The following LARGE1 variants were observed in gnomAD, a reference collection of about 807,000 sequenced individuals.
LARGE1 encodes LARGE xylosyl- and glucuronyltransferase 1.
A neutral mutation model predicts 87.6 loss-of-function variants in LARGE1; 43 were observed. The observed-to-expected ratio is 0.49, with a 90% CI of 0.38 to 0.63. The LOEUF is 0.63. Among genes scored for constraint, LARGE1 ranks in the 30% least tolerant of loss-of-function variants. The pLI, the probability that LARGE1 is intolerant of heterozygous loss-of-function variation, is 0.00. For missense variants in LARGE1, 802 were observed against 1,000.2 expected (o/e 0.80, Z 2.67); for synonymous variants, 434 against 394.6 (o/e 1.10, Z -1.18).
chr22:33,618,149 T>C (rs561466900), intron 4 of LARGE1, among the ~76,000 whole-genome samples: 85 of 152,342 alleles, frequency 5.6e-4, no homozygotes, highest in South Asian at 3.7e-3. Context: ...TTTCAGAAAA[T>C]CACCGCAGCC....
intron 6 of LARGE1, among the ~76,000 whole-genome samples, chr22:33,483,487 T>G (rs1454020969): frequency 6.6e-6 from 1 of 151,920 alleles, no homozygotes; most frequent in Non-Finnish European, 1.5e-5. Flanking sequence ...GGTGAACAGA[T>G]AGGGACAGAA....
chr22:33,639,228 C>G (rs1681678138), intron 3 of LARGE1, among the ~76,000 whole-genome samples: 1 of 152,130 alleles, frequency 6.6e-6, no homozygotes, highest in African/African-American at 2.4e-5. Context: ...ACATGAGGAC[C>G]TGAGTCTAAA....
intron 3 of LARGE1, among the ~76,000 whole-genome samples, chr22:33,635,073 G>C (rs1015149357): frequency 6.6e-6 from 1 of 151,040 alleles, no homozygotes; most frequent in East Asian, 1.9e-4. Flanking sequence ...AGCCGAGATC[G>C]CACCACTGCA....
intron 3 of LARGE1, among the ~76,000 whole-genome samples, chr22:33,642,056 A>T (rs893156797): frequency 1.3e-5 from 2 of 152,118 alleles, no homozygotes; most frequent in African/African-American, 4.8e-5. Context: ...TCTTCCAGAA[A>T]GGCAACCCCA....
intron 11 of LARGE1, among the ~76,000 whole-genome samples, chr22:33,233,517 G>A (rs371487877): frequency 8.7e-4 from 133 of 152,062 alleles, no homozygotes; most frequent in African/African-American, 2.8e-3. Context: ...GTCTAGGATC[G>A]AAAAGTCTAG....
chr22:33,798,507 A>C (rs2086058218), intron 1 of LARGE1, among the ~76,000 whole-genome samples: 1 of 152,194 alleles, frequency 6.6e-6, no homozygotes, highest in Admixed American at 6.5e-5. Flanking sequence ...GAGCTGACAG[A>C]AGGAGCAACC....
At chr22:33,496,669 C>A (rs1384161770) in intron 6 of LARGE1, among the ~76,000 whole-genome samples, 1 of 152,218 alleles carries the variant, frequency 6.6e-6, no homozygotes, top group African/African-American at 2.4e-5. Context: ...CTCTTCTTTT[C>A]CGGCCAATGA....
intron 1 of LARGE1, among the ~76,000 whole-genome samples, chr22:33,915,537 C>T (rs2065761882): frequency 6.6e-6 from 1 of 152,026 alleles, no homozygotes; most frequent in African/African-American, 2.4e-5. Flanking sequence ...CACAAGAGGG[C>T]AGACTTAGGG....
intron 5 of LARGE1, among the ~76,000 whole-genome samples, chr22:33,573,614 C>T (rs865932872): frequency 6.6e-6 from 1 of 152,102 alleles, no homozygotes; most frequent in Non-Finnish European, 1.5e-5. Flanking sequence ...ACATGGCTGA[C>T]GTTCTCAAGG....
the LARGE1 span, among the ~76,000 whole-genome samples, chr22:33,082,035 A>G: frequency 6.6e-6 from 1 of 152,140 alleles, no homozygotes; most frequent in Admixed American, 6.5e-5. Context: ...TATTATTATT[A>G]TTAGGTGTAG....
chr22:33,852,401 T>C (rs999066960), intron 1 of LARGE1, among the ~76,000 whole-genome samples: 1 of 152,122 alleles, frequency 6.6e-6, no homozygotes, highest in Non-Finnish European at 1.5e-5. Flanking sequence ...CTCCTGAGCA[T>C]CCCTTCATGG....
chr22:33,092,368 G>C, the LARGE1 span, among the ~76,000 whole-genome samples: 2 of 152,158 alleles, frequency 1.3e-5, no homozygotes, highest in Non-Finnish European at 2.9e-5. Context: ...GTCCTATGGG[G>C]AGGAGCGGTT....
At chr22:33,317,507 T>C (rs1936289330) in intron 10 of LARGE1, among the ~76,000 whole-genome samples, 2 of 152,234 alleles carry the variant, frequency 1.3e-5, no homozygotes, top group African/African-American at 4.8e-5. Context: ...TTGAACTCTC[T>C]GAAAGTCTTA....
chr22:33,076,284 C>A, the LARGE1 span, among the ~76,000 whole-genome samples: 1 of 152,156 alleles, frequency 6.6e-6, no homozygotes, highest in Non-Finnish European at 1.5e-5. Context: ...AGTAAACACA[C>A]CCATGTCACT....
chr22:33,219,069 A>C (rs1925340100), intron 11 of LARGE1, among the ~76,000 whole-genome samples: 1 of 151,862 alleles, frequency 6.6e-6, no homozygotes. Flanking sequence ...CTCTGACTAC[A>C]CCAATCAACC....
rs539153803 is a variant in LARGE1 at position 33,655,604 on chromosome 22, T to C, written c.107-4936A>G. Among the ~76,000 whole-genome samples, 136 of 152,276 alleles carry C rather than the reference T, an allele frequency of 8.9e-4. 1 individual carries two copies. Among genetic ancestry groups the C allele is most frequent in the Non-Finnish European group, 1.7e-3 (114 of 68,024 alleles). On this transcript the variant is annotated intron_variant, in intron 2 of 14. Transcript: ENST00000397394. ...TAAACATAGCTGTATATGCACACTC[T>C]ATTGGTTCTGCTTCTCTAAAGAGCC...
chr22:33,681,001 G>T (rs1301494177), intron 2 of LARGE1, among the ~76,000 whole-genome samples: 3 of 152,004 alleles, frequency 2.0e-5, no homozygotes, highest in East Asian at 3.8e-4. Flanking sequence ...ACAGATTCAG[G>T]TTTCTTAATT....
chr22:33,595,424 G>A (rs1354971297), intron 5 of LARGE1, among the ~76,000 whole-genome samples: 1 of 152,156 alleles, frequency 6.6e-6, no homozygotes, highest in African/African-American at 2.4e-5. Context: ...TGCAGATCTA[G>A]ACCAAGTGCT....
intron 6 of LARGE1, among the ~76,000 whole-genome samples, chr22:33,559,551 G>A (rs1207260879): frequency 6.6e-6 from 1 of 152,194 alleles, no homozygotes; most frequent in African/African-American, 2.4e-5. Context: ...CTTTCATAAA[G>A]GTACTAACCC....
Sources: allele counts gnomAD v4.1 joint callset (sites outside exome capture counted in the v4.1 genomes callset), GRCh38; gene constraint gnomAD v4.1.1; transcripts MANE v1.5; gene names NCBI Gene and HGNC (gene_info 2026-07-23, HGNC 2026-07-21).